The following BFSP1 variants were observed in gnomAD, a reference collection of about 807,000 sequenced individuals.
BFSP1 encodes beaded filament structural protein 1.
A neutral mutation model predicts 43.9 loss-of-function variants in BFSP1; 38 were observed. The observed-to-expected ratio is 0.87, with a 90% CI of 0.67 to 1.14. BFSP1 has a LOEUF of 1.14. Among genes scored for constraint, BFSP1 ranks in the 50% most tolerant of loss-of-function variants. The pLI, the probability that BFSP1 is intolerant of heterozygous loss-of-function variation, is 0.00. For synonymous variants in BFSP1, 352 were observed against 354.8 expected, an observed-to-expected ratio of 0.99 and a Z score of 0.09; for missense variants, 850 against 875.1, an observed-to-expected ratio of 0.97 and a Z score of 0.36.
rs1344202557 is a variant in BFSP1 at position 17,546,374 on chromosome 20, G to A, written c.2+12314C>T. On this transcript the variant is annotated intron_variant, in intron 1 of 7. Coordinates refer to the BFSP1 transcript ENST00000377868. ...TAATCCAATCACGTGGGGATTACTC[G>A]TCCTCTCTCAACATGTGGAAATTAC... Among the ~76,000 whole-genome samples, 14 of 152,082 alleles carry A rather than the reference G, an allele frequency of 9.2e-5. No homozygotes were observed. The East Asian group carries it at 1.9e-3, about 21-fold the overall frequency.
intron 1 of BFSP1, among the ~76,000 whole-genome samples, chr20:17,550,835 C>G (rs1226006841): frequency 6.6e-6 from 1 of 152,192 alleles, no homozygotes; most frequent in African/African-American, 2.4e-5. Flanking sequence ...ACATTTTTTT[C>G]TGTCATAGTT....
chr20:17,548,943 G>T (rs1361041231), intron 1 of BFSP1, among the ~76,000 whole-genome samples: 1 of 152,090 alleles, frequency 6.6e-6, no homozygotes, highest in Non-Finnish European at 1.5e-5. Flanking sequence ...AAATAGCTGG[G>T]ACTACAAGCA....
chr20:17,531,320 G>T lies in BFSP1; in HGVS notation c.10C>A (p.Arg4Ser). MYR[R>S]SYVFQTRKEQ... is the part of the protein sequence containing the mutation. Reference sequence around the variant, plus strand: ...TTGCGGGTCTGGAAGACGTAGCTGCGCCGGTACATGGCTGCTCTGGCGCGG... The same window carrying T: ...TTGCGGGTCTGGAAGACGTAGCTGCTCCGGTACATGGCTGCTCTGGCGCGG... Residue 4 changes from arginine to serine, a missense_variant, in exon 1 of 8, where the codon CGC becomes AGC. By Grantham distance (110) the Arg-to-Ser change is moderately radical. Coordinates refer to ENST00000377873, the MANE Select transcript of BFSP1 (RefSeq NM_001195.5). The T allele has an allele frequency of 1.4e-6, 2 of 1,459,384 alleles. No individual in the cohort carries two copies. The highest frequency in any genetic ancestry group is 1.8e-6 in the Non-Finnish European group (2 of 1,112,188). 90.4% of individuals were successfully genotyped at this position (1,459,384 alleles called of 1,614,324 possible).
At position 17,558,645 on chromosome 20, in the gene BFSP1, C is replaced by T. The variant is rs750288401; in HGVS notation, c.2+43G>A. 3 of 1,544,446 alleles carry T rather than the reference C, an allele frequency of 1.9e-6. No individual in the cohort carries two copies. The South Asian group carries it at 3.6e-5, about 18-fold the overall frequency. The stretch of plus-strand genomic sequence containing the variant: ...TTCTTTAAAGCAAAAAGAAAAAATG[C>T]TAAACCTAGAATCCAACACTTGCCG... On this transcript the variant is annotated intron_variant, in intron 1 of 7. Coordinates refer to the BFSP1 transcript ENST00000377868.
chr20:17,524,669 G>A (rs192166696), intron 2 of BFSP1, among the ~76,000 whole-genome samples, 179 bp downstream of exon 2: 4 of 152,286 alleles, frequency 2.6e-5, no homozygotes, highest in African/African-American at 9.6e-5. Context: ...GTGTGTATGG[G>A]TGTGTGAGTT....
At chr20:17,532,864 T>G (rs1236602448), upstream of BFSP1, among the ~76,000 whole-genome samples, 1 of 152,172 alleles carries the variant, frequency 6.6e-6, no homozygotes, top group Non-Finnish European at 1.5e-5. Flanking sequence ...ACTATATGGA[T>G]TGTGTGTGAT....
Position 17,498,912 on chromosome 20 carries a change from A to G in BFSP1, c.864T>C (p.Ser288=). The G allele has an allele frequency of 6.2e-7, 1 of 1,614,216 alleles. No homozygotes were observed. Among genetic ancestry groups the G allele is most frequent in the Non-Finnish European group, 8.5e-7 (1 of 1,180,044 alleles). The change falls in exon 6 of 8, where the codon TCT becomes TCC. Residue 288 remains serine (S), a synonymous_variant. Transcript: ENST00000377873. ...CCGCCAGCTGCCGGCAGTCGTAAGA[A>G]GACTTCTCCAGGACCCGCTCTGTCT... ...IEETERVLEK[S]SYDCRQLAVA...
intron 1 of BFSP1, among the ~76,000 whole-genome samples, chr20:17,552,289 A>T (rs1575203): frequency 0.37 from 56,574 of 151,984 alleles, 12,815 homozygotes; most frequent in South Asian, 0.53. Flanking sequence ...AAACATGGGG[A>T]AGAATAAATA....
Position 17,498,834 on chromosome 20 carries a change from C to A in BFSP1, c.942G>T (p.Glu314Asp). 2 of 1,612,948 alleles carry A rather than the reference C, an allele frequency of 1.2e-6. No individual in the cohort carries two copies. The highest frequency in any genetic ancestry group is 1.7e-6 in the Non-Finnish European group (2 of 1,179,988). Residue 314 changes from glutamate to aspartate, a missense_variant, in exon 6 of 8, where the codon GAG becomes GAT. By Grantham distance (45) the Glu-to-Asp change is conservative (BLOSUM62 2). Coordinates refer to ENST00000377873, the MANE Select transcript of BFSP1 (RefSeq NM_001195.5). Reference protein sequence around the residue: ...NELDRYHRIIEIEGNRLTSAF... With the variant: ...NELDRYHRIIDIEGNRLTSAF... Reference sequence around the variant, plus strand: ...CACACGCTCACCTGTTGCCTTCAATCTCGATGATACGATGATACCGGTCCA... The same window carrying A: ...CACACGCTCACCTGTTGCCTTCAATATCGATGATACGATGATACCGGTCCA...
At chr20:17,527,106 G>A (rs1308815473) in intron 1 of BFSP1, among the ~76,000 whole-genome samples, 1 of 152,232 alleles carries the variant, frequency 6.6e-6, no homozygotes, top group Admixed American at 6.5e-5. Context: ...TATGTGCAAT[G>A]TGCACGCATT....
chr20:17,531,322 C>T lies in BFSP1; in HGVS notation c.8G>A (p.Arg3Gln), dbSNP rs930152908. The T allele has an allele frequency of 4.8e-6, 7 of 1,446,810 alleles. No individual in the cohort carries two copies. Among genetic ancestry groups the T allele is most frequent in the Non-Finnish European group, 5.4e-6 (6 of 1,106,344 alleles). 89.6% of individuals were successfully genotyped at this position (1,446,810 alleles called of 1,614,324 possible). A position where few individuals can be genotyped will look rare whatever the true frequency, so the allele number is the denominator to read the frequency against. Reference sequence around the variant, plus strand: ...GCGGGTCTGGAAGACGTAGCTGCGCCGGTACATGGCTGCTCTGGCGCGGGC... The same window carrying T: ...GCGGGTCTGGAAGACGTAGCTGCGCTGGTACATGGCTGCTCTGGCGCGGGC... MY[R>Q]RSYVFQTRKE... The change falls in exon 1 of 8, where the codon CGG (arginine) becomes CAG (glutamine). Residue 3 changes from arginine to glutamine, a missense_variant. Physicochemically the swap from Arg to Gln is conservative, Grantham distance 43 (BLOSUM62 1). Transcript: ENST00000377873.
At chr20:17,533,328 G>C (rs181658886), upstream of BFSP1, among the ~76,000 whole-genome samples, 1,095 of 152,242 alleles carry the variant, frequency 7.2e-3, 7 homozygotes, top group Non-Finnish European at 0.012. Context: ...GCTTCCTCAC[G>C]AGAGCAAAAC....
At chr20:17,508,710 C>T (rs1258300766) in intron 5 of BFSP1, among the ~76,000 whole-genome samples, 179 bp downstream of exon 5, 1 of 152,168 alleles carries the variant, frequency 6.6e-6, no homozygotes, top group Non-Finnish European at 1.5e-5. Flanking sequence ...CTGGAAAACT[C>T]CTCAGTCCAG....
chr20:17,551,664 T>G (rs2034897357), intron 1 of BFSP1, among the ~76,000 whole-genome samples: 2 of 152,144 alleles, frequency 1.3e-5, no homozygotes, highest in Non-Finnish European at 2.9e-5. Flanking sequence ...AACACTCTTC[T>G]GGGCCTTGGG....
At chr20:17,530,452 G>C (rs1433570504) in intron 1 of BFSP1, among the ~76,000 whole-genome samples, 1 of 152,218 alleles carries the variant, frequency 6.6e-6, no homozygotes, top group African/African-American at 2.4e-5. Flanking sequence ...AGCAAAAGAA[G>C]CCAGACAATA....
chr20:17,526,501 T>C (rs1355814756), intron 1 of BFSP1, among the ~76,000 whole-genome samples: 1 of 152,248 alleles, frequency 6.6e-6, no homozygotes, highest in South Asian at 2.1e-4. Flanking sequence ...TATGTCAGAA[T>C]TACCTTCCTT....
At chr20:17,500,827 A>G (rs951575906) in intron 5 of BFSP1, among the ~76,000 whole-genome samples, 1 of 152,208 alleles carries the variant, frequency 6.6e-6, no homozygotes, top group African/African-American at 2.4e-5. Flanking sequence ...GTAGAGGCCG[A>G]GATATCATGA....
intron 1 of BFSP1, among the ~76,000 whole-genome samples, chr20:17,528,607 A>G (rs777289323): frequency 4.6e-5 from 7 of 152,202 alleles, no homozygotes; most frequent in Non-Finnish European, 1.0e-4. Flanking sequence ...TTCCCGAAAG[A>G]GCATAGGCCC....
chr20:17,535,383 T>G (rs1198979782), upstream of BFSP1, among the ~76,000 whole-genome samples: 1 of 151,880 alleles, frequency 6.6e-6, no homozygotes, highest in Non-Finnish European at 1.5e-5. Context: ...ACAAAAAAAT[T>G]AGCAAGGCAT....
Sources: allele counts gnomAD v4.1 joint callset (sites outside exome capture counted in the v4.1 genomes callset), GRCh38; gene constraint gnomAD v4.1.1; transcripts MANE v1.5; gene names NCBI Gene and HGNC (gene_info 2026-07-23, HGNC 2026-07-21).